CFAP47: variants seen among roughly 807,000 people sequenced by gnomAD.
CFAP47 encodes cilia and flagella associated protein 47.
CFAP47 carries 29 observed loss-of-function variants against 148.1 expected under a neutral mutation model. The observed-to-expected ratio is 0.20, with a 90% CI of 0.15 to 0.27. The LOEUF is 0.27. Among genes scored for constraint, CFAP47 ranks in the 10% least tolerant of loss-of-function variants. The pLI is 1.00. For missense variants in CFAP47, 1,872 were observed against 1,697.5 expected, an observed-to-expected ratio of 1.10 and a Z score of -1.81; for synonymous variants, 664 against 577.3, an observed-to-expected ratio of 1.15 and a Z score of -2.15.
intron 33 of CFAP47, among the ~76,000 whole-genome samples, chrX:36,106,559 CAA>C (rs1938469558): frequency 8.9e-6 from 1 of 111,875 alleles, no homozygotes; most frequent in Non-Finnish European, 1.9e-5. Flanking sequence ...ACACTCCAAA[CAA>C]GAGGAACACT....
Position 36,076,178 on chromosome X carries a change from C to CT in CFAP47, c.4691+2827dup, listed in dbSNP as rs199694179. On this transcript the variant is annotated intron_variant, in intron 29 of 63. Coordinates refer to ENST00000378653, the MANE Select transcript of CFAP47 (RefSeq NM_001304548.2). ...TTAAACATTCACTTTTCTTTTTTTT[C>CT]TTTTTTTTTTTTTATTATACTTTAA... Among the ~76,000 whole-genome samples, 870 of 98,221 alleles carry CT rather than the reference C, an allele frequency of 8.9e-3. 4 individuals are homozygous for CT. Among genetic ancestry groups the CT allele is most frequent in the East Asian group, 0.021 (64 of 3,109 alleles). The allele number at this position is 98,221 out of a possible 115,157, so 85.3% of individuals were successfully genotyped here.
At chrX:35,962,553 G>GC (rs1312276164) in intron 8 of CFAP47, among the ~76,000 whole-genome samples, 2 of 110,535 alleles carry the variant, frequency 1.8e-5, no homozygotes, top group Non-Finnish European at 3.8e-5. Context: ...ATTATAAAAT[G>GC]CTCTTTTTTC....
At chrX:35,994,968 A>G (rs1936829571) in intron 18 of CFAP47, among the ~76,000 whole-genome samples, 1 of 111,918 alleles carries the variant, frequency 8.9e-6, no homozygotes, top group Admixed American at 9.5e-5. Flanking sequence ...ATACACTATC[A>G]TAAGTATTGT....
intron 26 of CFAP47, among the ~76,000 whole-genome samples, chrX:36,049,222 T>G (rs1397932005): frequency 1.8e-5 from 2 of 109,965 alleles, no homozygotes; most frequent in African/African-American, 6.6e-5. Context: ...AAGAGGAATC[T>G]AAGGCTCACA....
chrX:36,012,474 A>T (rs1416255791), intron 21 of CFAP47, among the ~76,000 whole-genome samples: 2 of 112,279 alleles, frequency 1.8e-5, no homozygotes, highest in African/African-American at 6.5e-5. Context: ...ACCATGGAAT[A>T]CTATGCAGCC....
intron 33 of CFAP47, among the ~76,000 whole-genome samples, chrX:36,128,389 T>C (rs911694146): frequency 6.3e-5 from 7 of 111,422 alleles, no homozygotes; most frequent in Non-Finnish European, 1.3e-4. Flanking sequence ...TTGCTTTGCG[T>C]TGTTCTGCAC....
intron 35 of CFAP47, among the ~76,000 whole-genome samples, chrX:36,143,018 T>C (rs779935633): frequency 8.9e-6 from 1 of 111,785 alleles, no homozygotes; most frequent in South Asian, 3.7e-4. Flanking sequence ...AATTAAACTC[T>C]GCATTTTTTT....
At chrX:36,223,607 A>G (rs183726797) in intron 45 of CFAP47, among the ~76,000 whole-genome samples, 1 of 110,927 alleles carries the variant, frequency 9.0e-6, no homozygotes, top group African/African-American at 3.3e-5. Flanking sequence ...ATTATGACCT[A>G]TTAAGGCACA....
Position 35,920,066 on chromosome X carries a change from G to T in CFAP47, c.249+18G>T. ...AGCCACAGGTGACACACTAAGGGGT[G>T]CTGGGAGCGGGACCTTGTGAGAGCG... On this transcript the variant is annotated intron_variant, in intron 1 of 63. Coordinates refer to ENST00000378653, the MANE Select transcript of CFAP47 (RefSeq NM_001304548.2). The T allele has an allele frequency of 4.3e-6, 5 of 1,166,471 alleles. No individual in the cohort carries two copies. The highest frequency in any genetic ancestry group is 5.8e-6 in the Non-Finnish European group (5 of 869,289).
chrX:36,269,361 A>G (rs1433589562), intron 49 of CFAP47, among the ~76,000 whole-genome samples: 2 of 112,137 alleles, frequency 1.8e-5, no homozygotes, highest in Non-Finnish European at 3.8e-5. Context: ...ACTAACAGAG[A>G]TTTTAGATAG....
chrX:36,054,411 A>G (rs1937537723), intron 26 of CFAP47, among the ~76,000 whole-genome samples: 1 of 112,313 alleles, frequency 8.9e-6, no homozygotes, highest in African/African-American at 3.2e-5. Context: ...TCATGTTAAA[A>G]AGAAAAGAAT....
At position 36,376,184 on chromosome X, in the gene CFAP47, C is replaced by T. The variant is rs782480615; in HGVS notation, c.9186-3166C>T. 7.1e-5 allele frequency among the ~76,000 whole-genome samples: 8 copies of T among 112,198 alleles called. No homozygotes were observed. The East Asian group carries it at 1.4e-3, about 20-fold the overall frequency. On this transcript the variant is annotated intron_variant, in intron 62 of 63. Transcript: ENST00000378653. ...TCATCCTGGCTAGAGATTCTGGAGGCCTTGCAAACCTTTTATGTGGATGTG... is the reference window on the plus strand; with the variant it reads ...TCATCCTGGCTAGAGATTCTGGAGGTCTTGCAAACCTTTTATGTGGATGTG...
intron 57 of CFAP47, among the ~76,000 whole-genome samples, chrX:36,323,776 T>C (rs1402252332): frequency 2.0e-5 from 2 of 102,208 alleles, no homozygotes; most frequent in African/African-American, 3.6e-5. Context: ...GCTTATAAAG[T>C]TGTTTAGTAA....
intron 19 of CFAP47, among the ~76,000 whole-genome samples, chrX:35,998,282 G>A (rs374913240): frequency 1.6e-3 from 176 of 111,118 alleles, no homozygotes; most frequent in African/African-American, 5.5e-3. Flanking sequence ...TTGATAGAGT[G>A]CACACACACA....
chrX:36,303,793 A>G, intron 53 of CFAP47, 56 bp from the exon 54 acceptor site: 1 of 604,498 alleles, frequency 1.7e-6, no homozygotes, highest in Non-Finnish European at 2.5e-6. Flanking sequence ...TTATGGAATT[A>G]ACACTAAATA....
rs1939404915 is a variant in CFAP47, at chrX:36,159,450, A to G, written c.5811A>G (p.Lys1937=). Residue 1937 remains lysine (K), a synonymous_variant, in exon 38 of 64, where the codon AAA becomes AAG. Transcript: ENST00000378653. ...GAAATGAAATTAATGTCACTCTGAA[A>G]TTCACCAGTCGCTTTATTCGTCCTG... ...SPRNEINVTL[K]FTSRFIRPAE... is the part of the protein sequence containing the mutation. 3.4e-6 allele frequency: 1 copy of G among 295,869 alleles called. No homozygotes were observed. Among genetic ancestry groups the G allele is most frequent in the Admixed American group, 6.2e-5 (1 of 16,155 alleles). 24.4% of individuals were successfully genotyped at this position (295,869 alleles called of 1,213,427 possible). A position where few individuals can be genotyped will look rare whatever the true frequency, so the allele number is the denominator to read the frequency against.
chrX:36,286,232 G>T, intron 51 of CFAP47, among the ~76,000 whole-genome samples: 1 of 111,068 alleles, frequency 9.0e-6, no homozygotes. Flanking sequence ...AATATTAAGA[G>T]TCTTATTTTA....
At chrX:35,989,260 A>T (rs779634386) in intron 15 of CFAP47, 59 bp from the exon 16 acceptor site, 1 of 919,865 alleles carries the variant, frequency 1.1e-6, no homozygotes, top group East Asian at 3.2e-5. Context: ...GGATATTAAC[A>T]AAAAGAAATA....
At chrX:36,238,547 C>A (rs1940501954) in intron 48 of CFAP47, among the ~76,000 whole-genome samples, 1 of 111,684 alleles carries the variant, frequency 9.0e-6, no homozygotes, top group Non-Finnish European at 1.9e-5. Context: ...TCTGCTGTGA[C>A]CTCTGTGAAC....
Sources: gnomAD v4.1 joint callset for allele counts (sites outside exome capture counted in the v4.1 genomes callset) on GRCh38, gnomAD v4.1.1 for gene constraint, MANE v1.5 for transcripts, NCBI Gene and HGNC (gene_info 2026-07-23, HGNC 2026-07-21) for gene names.